POLQ: variants seen among roughly 807,000 people sequenced by gnomAD.
POLQ encodes the protein DNA polymerase theta.
Under a neutral mutation model 259.2 loss-of-function variants are expected in POLQ, and 233 were observed. The observed-to-expected ratio is 0.90, with a 90% CI of 0.81 to 1.00. The LOEUF is 1.00. POLQ is among the 50% of genes least tolerant of loss of function. The pLI is 0.00. For missense variants in POLQ, 2,871 were observed against 3,051.6 expected, an observed-to-expected ratio of 0.94 and a Z score of 1.39; for synonymous variants, 1,025 against 1,048.8, an observed-to-expected ratio of 0.98 and a Z score of 0.44.
At chr3:121,541,302 GC>G in intron 3 of POLQ, 46 bp downstream of exon 3, 1 of 1,440,614 alleles carries the variant, frequency 6.9e-7, no homozygotes, top group Non-Finnish European at 9.4e-7. Context: ...AACCAAGACT[GC>G]CAATAATGAG....
At chr3:121,485,282 G>A (rs2048002670) in intron 16 of POLQ, 98 bp from the exon 17 acceptor site, 1 of 763,726 alleles carries the variant, frequency 1.3e-6, no homozygotes, top group Non-Finnish European at 2.0e-6. Flanking sequence ...TCTTTGATAG[G>A]CAAAATTTCC....
intron 6 of POLQ, among the ~76,000 whole-genome samples, chr3:121,532,780 G>A (rs560736156): frequency 2.0e-5 from 3 of 152,192 alleles, no homozygotes; most frequent in East Asian, 1.9e-4. Context: ...TGATCCACCC[G>A]CCTTGGCCTC....
At position 121,488,254 on chromosome 3, in the gene POLQ, T is replaced by C. The variant is rs930471657; in HGVS notation, c.4677A>G (p.Ser1559=). 1.9e-6 allele frequency: 3 copies of C among 1,612,938 alleles called. No individual in the cohort carries two copies. Among genetic ancestry groups the C allele is most frequent in the Admixed American group, 3.3e-5 (2 of 59,976 alleles). ...CAACCATCTGAACAGAATCCATTTCTGAAAATATAATAGATTCATCATTGG... is the reference window on the plus strand; with the variant it reads ...CAACCATCTGAACAGAATCCATTTCCGAAAATATAATAGATTCATCATTGG... ...TCSNDESIIF[S]EMDSVQMVEA... is the part of the protein sequence containing the mutation. The change falls in exon 16 of 30, where the codon TCA becomes TCG. Residue 1559 remains serine, a synonymous_variant. Coordinates refer to ENST00000264233, the MANE Select transcript of POLQ (RefSeq NM_199420.4).
rs539488591 is a variant in POLQ at position 121,526,136 on chromosome 3, A to C, written c.1108+3509T>G. Among the ~76,000 whole-genome samples, 15 of 152,308 alleles carry C rather than the reference A, an allele frequency of 9.8e-5. 1 individual carries two copies. Among genetic ancestry groups the C allele is most frequent in the Non-Finnish European group, 1.9e-4 (13 of 68,018 alleles). ...TGCTGTGTTTGGGGGTAAGTAGATC[A>C]CTTTGATGCCTTAAGTGTTGAACTC... On this transcript the variant is annotated intron_variant, in intron 7 of 29. Transcript: ENST00000264233.
At chr3:121,490,987 G>A (rs757600091) in intron 15 of POLQ, among the ~76,000 whole-genome samples, 3 of 151,956 alleles carry the variant, frequency 2.0e-5, no homozygotes, top group South Asian at 4.2e-4. Context: ...CCCAGGAGGC[G>A]TTACAGTGAG....
chr3:121,456,998 A>G (rs551839781), intron 25 of POLQ, among the ~76,000 whole-genome samples: 2 of 152,354 alleles, frequency 1.3e-5, no homozygotes, highest in Non-Finnish European at 2.9e-5. Context: ...ACAAGGCTAC[A>G]GTAACCAAAA....
intron 7 of POLQ, among the ~76,000 whole-genome samples, chr3:121,528,948 T>C (rs962257994): frequency 6.6e-6 from 1 of 152,094 alleles, no homozygotes; most frequent in Admixed American, 6.6e-5. Context: ...CGAGACTCTG[T>C]CTCAAAAAAT....
chr3:121,511,004 G>A (rs1355662571), intron 10 of POLQ, among the ~76,000 whole-genome samples: 2 of 152,188 alleles, frequency 1.3e-5, no homozygotes, highest in African/African-American at 4.8e-5. Context: ...GAGGCAGGCG[G>A]ATCACGAGGT....
chr3:121,467,406 A>C, intron 24 of POLQ, 113 bp downstream of exon 24: 1 of 1,015,380 alleles, frequency 9.8e-7, no homozygotes, highest in Non-Finnish European at 1.5e-6. Context: ...CGTAGACAGA[A>C]AGATGGAGGG....
chr3:121,479,581 G>A (rs1187060867), intron 19 of POLQ, among the ~76,000 whole-genome samples: 2 of 152,002 alleles, frequency 1.3e-5, no homozygotes, highest in African/African-American at 4.8e-5. Flanking sequence ...AGCCTCCTGA[G>A]TAGCTGGGAT....
At chr3:121,437,920 C>CA (rs1163323142) in intron 27 of POLQ, among the ~76,000 whole-genome samples, 1 of 151,844 alleles carries the variant, frequency 6.6e-6, no homozygotes, top group Non-Finnish European at 1.5e-5. Flanking sequence ...ATATGGAGCT[C>CA]AAAAAAATGC....
intron 13 of POLQ, among the ~76,000 whole-genome samples, chr3:121,498,228 T>A (rs560593946): frequency 6.6e-6 from 1 of 152,056 alleles, no homozygotes; most frequent in South Asian, 2.1e-4. Context: ...CAGAATCGCT[T>A]GAACCTGGGA....
At chr3:121,436,061 T>C in intron 28 of POLQ, 61 bp downstream of exon 28, 1 of 1,354,944 alleles carries the variant, frequency 7.4e-7, no homozygotes, top group South Asian at 1.3e-5. Flanking sequence ...TACTTCCCAT[T>C]TACATTTCTG....
chr3:121,444,083 C>T (rs2047614199), intron 26 of POLQ, among the ~76,000 whole-genome samples: 1 of 151,712 alleles, frequency 6.6e-6, no homozygotes, highest in African/African-American at 2.4e-5. Context: ...CTTGTGGTTC[C>T]ATGTAAATTG....
chr3:121,502,143 C>T (rs917646782), intron 12 of POLQ, among the ~76,000 whole-genome samples: 21 of 152,148 alleles, frequency 1.4e-4, no homozygotes. Context: ...ACATATTTCT[C>T]TTTTCTTCTC....
intron 19 of POLQ, among the ~76,000 whole-genome samples, chr3:121,479,777 G>GA (rs1265402995): frequency 2.6e-5 from 4 of 151,448 alleles, no homozygotes; most frequent in African/African-American, 9.7e-5. Context: ...AGTTAGAAAA[G>GA]AAAAAAAATA....
chr3:121,515,555 G>A (rs1272628957), intron 9 of POLQ, among the ~76,000 whole-genome samples: 1 of 152,230 alleles, frequency 6.6e-6, no homozygotes, highest in Non-Finnish European at 1.5e-5. Context: ...GCAGAGCCCA[G>A]CCAGCAGTCC....
At chr3:121,532,040 C>T (rs1445917507) in intron 6 of POLQ, among the ~76,000 whole-genome samples, 1 of 152,114 alleles carries the variant, frequency 6.6e-6, no homozygotes, top group Non-Finnish European at 1.5e-5. Flanking sequence ...GTTCTTTAAC[C>T]TCAGGATTAA....
chr3:121,445,522 T>G (rs1482582262), intron 26 of POLQ, among the ~76,000 whole-genome samples: 1 of 152,194 alleles, frequency 6.6e-6, no homozygotes, highest in Non-Finnish European at 1.5e-5. Context: ...TTCTCCTTTT[T>G]TCTTAGTCTG....
Sources: gnomAD v4.1 joint callset for allele counts (sites outside exome capture counted in the v4.1 genomes callset) on GRCh38, gnomAD v4.1.1 for gene constraint, MANE v1.5 for transcripts, NCBI Gene and HGNC (gene_info 2026-07-23, HGNC 2026-07-21) for gene names.